Variants in MICU1 observed in about 807,000 individuals in gnomAD.
MICU1 encodes mitochondrial calcium uptake 1.
Under a neutral mutation model 56.8 loss-of-function variants are expected in MICU1, and 45 were observed. The ratio of observed to expected loss-of-function variants is 0.79; its 90% CI spans 0.62 to 1.02. The LOEUF is 1.02. MICU1 is among the 50% of genes least tolerant of loss of function. The probability of loss-of-function intolerance (pLI) is 0.00; values close to 1 mark genes in which losing one functional copy is unlikely to be tolerated. For synonymous variants in MICU1, 186 were observed against 195.1 expected (o/e 0.95, Z 0.39); for missense variants, 504 against 587.1 (o/e 0.86, Z 1.46).
chr10:72,443,395 T>C (rs527317415), intron 8 of MICU1, among the ~76,000 whole-genome samples: 3 of 152,378 alleles, frequency 2.0e-5, no homozygotes, highest in South Asian at 4.1e-4. Context: ...TTTGTCAATT[T>C]TGGCTTTTGT....
chr10:72,463,149 C>T (rs1287809093), intron 8 of MICU1, among the ~76,000 whole-genome samples: 3 of 152,098 alleles, frequency 2.0e-5, no homozygotes, highest in African/African-American at 4.8e-5. Context: ...CTGCAACCTC[C>T]GCCTTCCGGG....
chr10:72,442,800 A>C (rs529825904), intron 8 of MICU1, among the ~76,000 whole-genome samples: 1 of 152,264 alleles, frequency 6.6e-6, no homozygotes, highest in South Asian at 2.1e-4. Flanking sequence ...CTCTGTCACC[A>C]GGCTAGAGTG....
chr10:72,505,043 G>A (rs1193887707), intron 6 of MICU1, among the ~76,000 whole-genome samples: 2 of 150,774 alleles, frequency 1.3e-5, no homozygotes, highest in Non-Finnish European at 3.0e-5. Context: ...GTGTGATCTC[G>A]GCTCACTGCA....
chr10:72,383,688 G>C (rs1862795661), intron 10 of MICU1, among the ~76,000 whole-genome samples: 1 of 152,094 alleles, frequency 6.6e-6, no homozygotes, highest in Non-Finnish European at 1.5e-5. Flanking sequence ...TGGTCTGTGG[G>C]GGTCAGCTAT....
At position 72,526,952 on chromosome 10, in the gene MICU1, A is replaced by G. The variant is rs879341168; in HGVS notation, c.537+6794T>C. Among the ~76,000 whole-genome samples the G allele has an allele frequency of 2.9e-3, 435 of 148,370 alleles. 1 individual carries two copies. The highest frequency in any genetic ancestry group is 3.6e-3 in the Non-Finnish European group (236 of 66,210). ...GGCTTCAAAAAAAAAAAAAAAAAAAAGAAAGCACTTCTGAAGATGTCAAGT... is the reference window on the plus strand; with the variant it reads ...GGCTTCAAAAAAAAAAAAAAAAAAAGGAAAGCACTTCTGAAGATGTCAAGT... On this transcript the variant is annotated intron_variant, in intron 5 of 11. Transcript: ENST00000361114.
intron 8 of MICU1, among the ~76,000 whole-genome samples, chr10:72,446,442 T>C (rs1865107281): frequency 6.6e-6 from 1 of 152,074 alleles, no homozygotes; most frequent in African/African-American, 2.4e-5. Context: ...GTGATTTTCC[T>C]GCCTCAGCCT....
intron 10 of MICU1, among the ~76,000 whole-genome samples, chr10:72,383,476 GT>G: frequency 6.6e-6 from 1 of 152,226 alleles, no homozygotes; most frequent in Middle Eastern, 3.4e-3. Context: ...ACTAAATATT[GT>G]TTTGCTTTAC....
intron 4 of MICU1, among the ~76,000 whole-genome samples, chr10:72,540,703 G>A (rs1022829331): frequency 6.6e-6 from 1 of 152,130 alleles, no homozygotes; most frequent in African/African-American, 2.4e-5. Flanking sequence ...AAACTGGCAT[G>A]GTAGATTAGA....
At chr10:72,452,150 G>A (rs1464185751) in intron 8 of MICU1, among the ~76,000 whole-genome samples, 1 of 152,150 alleles carries the variant, frequency 6.6e-6, no homozygotes, top group African/African-American at 2.4e-5. Context: ...TTACCAGCAT[G>A]AGCCACCGCA....
At chr10:72,584,774 T>A (rs372710180) in intron 1 of MICU1, among the ~76,000 whole-genome samples, 90 of 152,230 alleles carry the variant, frequency 5.9e-4, no homozygotes, top group African/African-American at 2.0e-3. Flanking sequence ...ACTGCTGAGC[T>A]CAAGTGATCT....
intron 1 of MICU1, among the ~76,000 whole-genome samples, chr10:72,605,292 TCAG>T (rs1213054231): frequency 6.6e-6 from 1 of 152,170 alleles, no homozygotes; most frequent in East Asian, 1.9e-4. Flanking sequence ...CCCTATATGG[TCAG>T]AAATGGGGAA....
chr10:72,575,358 C>T (rs1286157717), intron 1 of MICU1, among the ~76,000 whole-genome samples: 4 of 152,034 alleles, frequency 2.6e-5, no homozygotes, highest in Admixed American at 6.5e-5. Context: ...TTTAATTGTA[C>T]AAATAATATA....
At chr10:72,403,328 A>C (rs1356930183) in intron 10 of MICU1, among the ~76,000 whole-genome samples, 2 of 152,022 alleles carry the variant, frequency 1.3e-5, no homozygotes, top group African/African-American at 4.8e-5. Flanking sequence ...ACTGCACTCC[A>C]GCCTTGGCGA....
chr10:72,566,607 G>GA, intron 2 of MICU1, 26 bp downstream of exon 2: 1 of 1,600,626 alleles, frequency 6.2e-7, no homozygotes, highest in East Asian at 2.2e-5. Flanking sequence ...GTATACGCAA[G>GA]AACAAGATGG....
chr10:72,548,195 T>TGCA (rs2132437744), intron 4 of MICU1, among the ~76,000 whole-genome samples: 1 of 152,272 alleles, frequency 6.6e-6, no homozygotes, highest in Non-Finnish European at 1.5e-5. Flanking sequence ...AACTAACTGC[T>TGCA]GCAGCAGCAA....
At chr10:72,477,374 G>A (rs749119415) in intron 6 of MICU1, 118 bp from the exon 7 acceptor site, 11 of 1,161,714 alleles carry the variant, frequency 9.5e-6, no homozygotes, top group Non-Finnish European at 1.3e-5. Flanking sequence ...AAAAGTGACT[G>A]AGTCAAAGTC....
intron 10 of MICU1, among the ~76,000 whole-genome samples, chr10:72,402,918 G>A (rs543094393): frequency 6.6e-6 from 1 of 152,292 alleles, no homozygotes; most frequent in African/African-American, 2.4e-5. Context: ...GGTGGCATGA[G>A]CCTGTGGTCC....
chr10:72,577,774 A>C (rs1840787672), intron 1 of MICU1, among the ~76,000 whole-genome samples: 1 of 152,196 alleles, frequency 6.6e-6, no homozygotes, highest in African/African-American at 2.4e-5. Context: ...CTATGATCTC[A>C]TGGCAAAACT....
rs565054695 is a variant in MICU1, at chr10:72,408,272, G to A, written c.1072-235C>T. Among the ~76,000 whole-genome samples, 65 of 152,266 alleles carry A rather than the reference G, an allele frequency of 4.3e-4. 2 individuals carry two copies. The South Asian group carries it at 8.3e-3, about 19-fold the overall frequency. ...CTTCCCTCTCACACGTAAAATCTGA[G>A]AAAGCTTACAGTGATGGCTGAATAT... On this transcript the variant is annotated intron_variant, in intron 9 of 11. Coordinates refer to ENST00000361114, the MANE Select transcript of MICU1 (RefSeq NM_001195518.2).
Sources: gnomAD v4.1 joint callset for allele counts (sites outside exome capture counted in the v4.1 genomes callset) on GRCh38, gnomAD v4.1.1 for gene constraint, MANE v1.5 for transcripts, NCBI Gene and HGNC (gene_info 2026-07-23, HGNC 2026-07-21) for gene names.